The following MACROD2 variants were observed in gnomAD, a reference collection of about 807,000 sequenced individuals.
MACROD2 encodes mono-ADP ribosylhydrolase 2.
MACROD2 carries 36 observed loss-of-function variants against 70.4 expected under a neutral mutation model. The observed-to-expected ratio is 0.51, with a 90% CI of 0.39 to 0.68. The LOEUF (loss-of-function observed/expected upper bound fraction) is 0.68, where lower values mean the gene tolerates loss of function less well. MACROD2 is among the 30% of genes least tolerant of loss of function. The probability of loss-of-function intolerance (pLI) is 0.00; values close to 1 mark genes in which losing one functional copy is unlikely to be tolerated. For synonymous variants in MACROD2, 172 were observed against 178.8 expected (o/e 0.96, Z 0.30); for missense variants, 496 against 538.4 (o/e 0.92, Z 0.78).
At chr20:14,416,599 G>A (rs976515125) in intron 3 of MACROD2, among the ~76,000 whole-genome samples, 4 of 152,144 alleles carry the variant, frequency 2.6e-5, no homozygotes, top group Non-Finnish European at 5.9e-5. Context: ...GAGTCGTATT[G>A]AAGCCATACT....
chr20:15,674,002 A>G (rs1423656907), intron 8 of MACROD2, among the ~76,000 whole-genome samples: 1 of 152,166 alleles, frequency 6.6e-6, no homozygotes, highest in Non-Finnish European at 1.5e-5. Flanking sequence ...AGGAGTGTAC[A>G]TCTAGGTTAT....
At chr20:15,014,512 A>T (rs946791757) in intron 5 of MACROD2, among the ~76,000 whole-genome samples, 5 of 152,330 alleles carry the variant, frequency 3.3e-5, no homozygotes, top group African/African-American at 1.2e-4. Context: ...GCTTTTAATA[A>T]CTTGGAGTCA....
intron 4 of MACROD2, among the ~76,000 whole-genome samples, chr20:14,504,221 A>C (rs886788017): frequency 6.6e-6 from 1 of 152,248 alleles, no homozygotes; most frequent in African/African-American, 2.4e-5. Context: ...AATAATGGTA[A>C]TAACTAACGT....
chr20:15,873,227 T>C (rs2064611472), intron 9 of MACROD2, among the ~76,000 whole-genome samples: 3 of 152,174 alleles, frequency 2.0e-5, no homozygotes, highest in Non-Finnish European at 4.4e-5. Flanking sequence ...CTATACAACT[T>C]ACAGGGATTA....
chr20:15,304,735 A>AG (rs1006123752), intron 6 of MACROD2, among the ~76,000 whole-genome samples: 1 of 151,114 alleles, frequency 6.6e-6, no homozygotes, highest in African/African-American at 2.4e-5. Context: ...GCCTTATCTA[A>AG]AAAAAAAAGT....
At chr20:14,398,072 T>C (rs2083599397) in intron 3 of MACROD2, among the ~76,000 whole-genome samples, 1 of 152,272 alleles carries the variant, frequency 6.6e-6, no homozygotes, top group Non-Finnish European at 1.5e-5. Context: ...TTTTTATTGA[T>C]AAATAGTATT....
chr20:14,253,363 G>C (rs1391319236), intron 3 of MACROD2, among the ~76,000 whole-genome samples: 2 of 151,924 alleles, frequency 1.3e-5, no homozygotes, highest in Non-Finnish European at 2.9e-5. Context: ...AATGCTTAAA[G>C]TATGTTCTCA....
Position 15,967,627 on chromosome 20 carries a change from G to A in MACROD2, c.982G>A (p.Asp328Asn), listed in dbSNP as rs751370265. 10 of 1,577,272 alleles carry A rather than the reference G, an allele frequency of 6.3e-6. No individual in the cohort carries two copies. Among genetic ancestry groups the A allele is most frequent in the Admixed American group, 3.5e-5 (2 of 56,694 alleles). ...TTCTGTGCGTGACCAAGATCATCCC[G>A]ATGGTAGGTTGTGAAATCCTTTATT... is the stretch of plus-strand genomic sequence containing the variant. ...DHSVRDQDHP[D>N]GQENDSTKNE... The change falls in exon 13 of 18, where the codon GAT (aspartate) becomes AAT (asparagine). Residue 328 changes from aspartate (D) to asparagine (N), a missense_variant. Asp to Asn is a conservative substitution (Grantham distance 23). Coordinates refer to ENST00000684519, the MANE Select transcript of MACROD2 (RefSeq NM_001351661.2).
chr20:14,567,715 G>A (rs907916607), intron 4 of MACROD2, among the ~76,000 whole-genome samples: 6 of 152,062 alleles, frequency 3.9e-5, no homozygotes, highest in Non-Finnish European at 8.8e-5. Flanking sequence ...GGCTTCAGAA[G>A]CAGCAAGGAT....
At chr20:14,371,001 A>G (rs928680569) in intron 3 of MACROD2, among the ~76,000 whole-genome samples, 2 of 152,156 alleles carry the variant, frequency 1.3e-5, no homozygotes, top group Non-Finnish European at 2.9e-5. Context: ...CAGACTTAGG[A>G]TATTAAAATT....
intron 4 of MACROD2, among the ~76,000 whole-genome samples, chr20:14,627,592 G>C (rs1427264069): frequency 6.6e-6 from 1 of 152,164 alleles, no homozygotes; most frequent in Non-Finnish European, 1.5e-5. Flanking sequence ...AGCCTGTTTG[G>C]AGGGGAGGAA....
intron 5 of MACROD2, among the ~76,000 whole-genome samples, chr20:14,851,054 A>AT (rs542678829): frequency 6.6e-6 from 1 of 151,874 alleles, no homozygotes; most frequent in African/African-American, 2.4e-5. Flanking sequence ...ATTATTATTA[A>AT]TTTTTTTTGG....
chr20:14,166,693 C>T (rs1324703250), intron 3 of MACROD2, among the ~76,000 whole-genome samples: 2 of 152,120 alleles, frequency 1.3e-5, no homozygotes, highest in Non-Finnish European at 2.9e-5. Context: ...TTCCATCCCA[C>T]TCTCTGTATC....
chr20:14,406,999 G>A (rs1208857400), intron 3 of MACROD2, among the ~76,000 whole-genome samples: 3 of 151,980 alleles, frequency 2.0e-5, no homozygotes, highest in Non-Finnish European at 4.4e-5. Flanking sequence ...GTTATCATGA[G>A]AAACTGTATT....
intron 15 of MACROD2, among the ~76,000 whole-genome samples, chr20:16,007,286 G>A (rs2066802270): frequency 6.6e-6 from 1 of 152,088 alleles, no homozygotes; most frequent in African/African-American, 2.4e-5. Context: ...CTTTGAATAC[G>A]GTAGGCCTAA....
chr20:14,415,136 A>C (rs1297247601), intron 3 of MACROD2, among the ~76,000 whole-genome samples: 1 of 152,222 alleles, frequency 6.6e-6, no homozygotes, highest in Admixed American at 6.5e-5. Flanking sequence ...GAATCAATGA[A>C]TGCTTAGTTT....
chr20:14,989,325 G>A (rs1230288579), intron 5 of MACROD2, among the ~76,000 whole-genome samples: 3 of 152,238 alleles, frequency 2.0e-5, no homozygotes, highest in Non-Finnish European at 2.9e-5. Flanking sequence ...AGTGGGCTAG[G>A]GAAGATCCCC....
chr20:15,549,058 A>C (rs1362250572), intron 8 of MACROD2, among the ~76,000 whole-genome samples: 1 of 152,216 alleles, frequency 6.6e-6, no homozygotes, highest in Non-Finnish European at 1.5e-5. Flanking sequence ...TTCAGACTAC[A>C]ACTGGGCCCT....
rs545085685 is a variant in MACROD2, at chr20:14,428,565, A to C, written c.272-64914A>C. On this transcript the variant is annotated intron_variant, in intron 3 of 17. Transcript: ENST00000684519. ...TACTCCTGTATTTTTACTAAGATGAATTTGGTTTAAATGTGAAAATAAATT... is the reference window on the plus strand; with the variant it reads ...TACTCCTGTATTTTTACTAAGATGACTTTGGTTTAAATGTGAAAATAAATT... Among the ~76,000 whole-genome samples, 6 of 152,216 alleles carry C rather than the reference A, an allele frequency of 3.9e-5. No individual in the cohort carries two copies. The South Asian group carries it at 1.2e-3, about 31-fold the overall frequency.
Sources: gnomAD v4.1 joint callset for allele counts (sites outside exome capture counted in the v4.1 genomes callset) on GRCh38, gnomAD v4.1.1 for gene constraint, MANE v1.5 for transcripts, NCBI Gene and HGNC (gene_info 2026-07-23, HGNC 2026-07-21) for gene names.